SESTD1: variants seen among roughly 807,000 people sequenced by gnomAD.
SESTD1 encodes the protein SEC14 domain and spectrin repeat-containing protein 1.
A neutral mutation model predicts 101.7 loss-of-function variants in SESTD1; 43 were observed. The ratio of observed to expected loss-of-function variants is 0.42; its 90% CI spans 0.33 to 0.55. SESTD1 has a LOEUF of 0.55. SESTD1 is among the 20% of genes least tolerant of loss of function. The pLI is 0.07. For missense variants in SESTD1, 647 were observed against 815.1 expected, an observed-to-expected ratio of 0.79 and a Z score of 2.51; for synonymous variants, 283 against 286.8, an observed-to-expected ratio of 0.99 and a Z score of 0.13.
intron 1 of SESTD1, among the ~76,000 whole-genome samples, chr2:179,234,203 T>C (rs1455360247): frequency 6.6e-6 from 1 of 152,204 alleles, no homozygotes. Flanking sequence ...CAGCTCTTCC[T>C]GCCTGATGGC....
chr2:179,247,695 C>G (rs139539308), intron 1 of SESTD1, among the ~76,000 whole-genome samples: 19 of 151,910 alleles, frequency 1.3e-4, no homozygotes, highest in African/African-American at 4.6e-4. Context: ...CTGCCTTGGT[C>G]TCCCAAAGGG....
chr2:179,232,835 A>G (rs1460118005), intron 1 of SESTD1, among the ~76,000 whole-genome samples: 1 of 152,214 alleles, frequency 6.6e-6, no homozygotes, highest in East Asian at 1.9e-4. Flanking sequence ...TTTTGTGTAC[A>G]GAGAACCAAA....
At chr2:179,165,030 G>C (rs1177287658) in intron 5 of SESTD1, among the ~76,000 whole-genome samples, 1 of 152,048 alleles carries the variant, frequency 6.6e-6, no homozygotes, top group African/African-American at 2.4e-5. Context: ...AATTAAACGA[G>C]CATCTATGTT....
intron 5 of SESTD1, among the ~76,000 whole-genome samples, chr2:179,163,625 G>C (rs1195820617): frequency 6.6e-6 from 1 of 150,620 alleles, no homozygotes; most frequent in Non-Finnish European, 1.5e-5. Context: ...TCAAACTTTT[G>C]CTAAGTCCTT....
At chr2:179,147,952 T>A (rs2045431730) in intron 7 of SESTD1, among the ~76,000 whole-genome samples, 1 of 152,242 alleles carries the variant, frequency 6.6e-6, no homozygotes, top group Admixed American at 6.5e-5. Flanking sequence ...ACAGCATATA[T>A]GTGTGTGATA....
intron 13 of SESTD1, 139 bp downstream of exon 13, chr2:179,121,631 T>G (rs1390967168): frequency 1.8e-6 from 1 of 563,750 alleles, no homozygotes; most frequent in Non-Finnish European, 2.8e-6. Flanking sequence ...ACAGTAATTA[T>G]CACATTCACC....
intron 1 of SESTD1, among the ~76,000 whole-genome samples, chr2:179,211,662 T>C (rs1156487440): frequency 7.5e-6 from 1 of 134,012 alleles, no homozygotes; most frequent in Admixed American, 7.2e-5. Flanking sequence ...CATCATGGAA[T>C]ACTACTCTTC....
intron 1 of SESTD1, among the ~76,000 whole-genome samples, chr2:179,240,554 T>C (rs1210187662): frequency 1.3e-5 from 2 of 151,670 alleles, no homozygotes; most frequent in African/African-American, 4.8e-5. Flanking sequence ...GAAATAACAA[T>C]AGGAGAAGAC....
intron 1 of SESTD1, among the ~76,000 whole-genome samples, chr2:179,260,984 G>A (rs1289706264): frequency 6.6e-6 from 1 of 152,102 alleles, no homozygotes; most frequent in Non-Finnish European, 1.5e-5. Context: ...GAGTGAAGAA[G>A]GGGAAAAAGA....
At chr2:179,260,037 C>T (rs1192579718) in intron 1 of SESTD1, among the ~76,000 whole-genome samples, 5 of 152,200 alleles carry the variant, frequency 3.3e-5, no homozygotes, top group African/African-American at 1.2e-4. Flanking sequence ...ACCATCCTAT[C>T]TACTTAAAAA....
intron 4 of SESTD1, among the ~76,000 whole-genome samples, chr2:179,173,991 C>T (rs1231845347): frequency 6.6e-6 from 1 of 152,094 alleles, no homozygotes; most frequent in Non-Finnish European, 1.5e-5. Context: ...AATCTAGCAT[C>T]CTCTGCAACA....
chr2:179,226,868 A>G (rs2046894109), intron 1 of SESTD1, among the ~76,000 whole-genome samples: 1 of 152,228 alleles, frequency 6.6e-6, no homozygotes, highest in African/African-American at 2.4e-5. Context: ...TTGAATAATG[A>G]TCCTGCCAGC....
intron 16 of SESTD1, among the ~76,000 whole-genome samples, 171 bp from the exon 17 acceptor site, chr2:179,113,016 G>A (rs750901347): frequency 1.3e-5 from 2 of 152,046 alleles, no homozygotes; most frequent in Non-Finnish European, 2.9e-5. Context: ...GCATCTTCAG[G>A]TATACCACTA....
chr2:179,109,781 A>T lies in SESTD1; in HGVS notation c.*118T>A. On this transcript the variant is annotated 3_prime_UTR_variant, in exon 18 of 18. Transcript: ENST00000428443. ...AACATGTAAAGAGAAATGTGTCATG[A>T]AAAGAAATGAGACTTATTTTGGCTG... The T allele has an allele frequency of 7.6e-7, 1 of 1,324,116 alleles. No homozygotes were observed. Among genetic ancestry groups the T allele is most frequent in the East Asian group, 2.3e-5 (1 of 43,032 alleles). The allele number at this position is 1,324,116 out of a possible 1,614,324, so 82.0% of individuals were successfully genotyped here.
intron 1 of SESTD1, among the ~76,000 whole-genome samples, chr2:179,242,930 CAAA>C (rs1251807552): frequency 6.6e-6 from 1 of 152,024 alleles, no homozygotes; most frequent in Admixed American, 6.6e-5. Context: ...GCAAGTGCAA[CAAA>C]AACAAAAATT....
intron 2 of SESTD1, among the ~76,000 whole-genome samples, chr2:179,190,092 C>T (rs1283582154): frequency 6.6e-6 from 1 of 151,970 alleles, no homozygotes; most frequent in African/African-American, 2.4e-5. Flanking sequence ...CAATTAGCTA[C>T]AGCAATTCTA....
rs1021038536 is a variant in SESTD1 at position 179,120,005 on chromosome 2, C to A, written c.1442+1765G>T. 3.3e-5 allele frequency among the ~76,000 whole-genome samples: 5 copies of A among 151,960 alleles called. No individual in the cohort carries two copies. The East Asian group carries it at 9.7e-4, about 29-fold the overall frequency. Reference sequence around the variant, plus strand: ...CAGCACCTTGGGAAGCCAAAGTGGGCGGATCACGAGGTCAGGAGTTTGAAA... The same window carrying A: ...CAGCACCTTGGGAAGCCAAAGTGGGAGGATCACGAGGTCAGGAGTTTGAAA... On this transcript the variant is annotated intron_variant, in intron 13 of 17. Coordinates refer to ENST00000428443, the MANE Select transcript of SESTD1 (RefSeq NM_178123.5).
chr2:179,142,825 C>A (rs1183934274), intron 9 of SESTD1, among the ~76,000 whole-genome samples: 3 of 152,166 alleles, frequency 2.0e-5, no homozygotes, highest in African/African-American at 7.2e-5. Flanking sequence ...ACCCTTAACA[C>A]TTTCTCTCCC....
intron 5 of SESTD1, among the ~76,000 whole-genome samples, chr2:179,158,626 C>T (rs2045674696): frequency 6.6e-6 from 1 of 151,802 alleles, no homozygotes; most frequent in South Asian, 2.1e-4. Context: ...AAAAATTGAC[C>T]AAGATTACTG....
Sources: gnomAD v4.1 joint callset for allele counts (sites outside exome capture counted in the v4.1 genomes callset) on GRCh38, gnomAD v4.1.1 for gene constraint, MANE v1.5 for transcripts, NCBI Gene and HGNC (gene_info 2026-07-23, HGNC 2026-07-21) for gene names.